The following PRH1 variants were observed in gnomAD, a reference collection of about 807,000 sequenced individuals.
The protein encoded by PRH1 is proline rich protein HaeIII subfamily 1.
A neutral mutation model predicts 7.9 loss-of-function variants in PRH1; 7 were observed. That is an observed-to-expected ratio of 0.89 (90% CI 0.50 to 1.67). The LOEUF (loss-of-function observed/expected upper bound fraction) is 1.67, where lower values mean the gene tolerates loss of function less well. Ranked by LOEUF, PRH1 falls within the 40% of genes most tolerant of loss-of-function variation. The pLI is 0.00. For synonymous variants in PRH1, 45 were observed against 80.8 expected (o/e 0.56, Z 2.38); for missense variants, 109 against 223.6 (o/e 0.49, Z 3.27).
At chr12:10,918,361 C>A (rs772783986) in intron 2 of PRH1, among the ~76,000 whole-genome samples, 17 of 151,952 alleles carry the variant, frequency 1.1e-4, no homozygotes, top group Non-Finnish European at 2.1e-4. Flanking sequence ...TGCACATGTA[C>A]CCCAGAACTT....
At chr12:11,130,731 C>T (rs2136356793) in intron 1 of PRH1, among the ~76,000 whole-genome samples, 1 of 152,282 alleles carries the variant, frequency 6.6e-6, no homozygotes, top group African/African-American at 2.4e-5. Flanking sequence ...ATTCCCTCTT[C>T]AGCAGAGGGA....
intron 1 of PRH1, among the ~76,000 whole-genome samples, chr12:10,999,957 A>G (rs755859408): frequency 3.3e-5 from 5 of 152,154 alleles, no homozygotes; most frequent in Middle Eastern, 6.8e-3. Flanking sequence ...GTAATCTTTC[A>G]TATCATTCAA....
At chr12:11,031,131 T>G in intron 1 of PRH1, 2 of 1,614,228 alleles carry the variant, frequency 1.2e-6, no homozygotes, top group Non-Finnish European at 1.7e-6. Context: ...TTAAACACAG[T>G]TGAATACCAA....
chr12:11,113,886 C>T (rs1945659041), intron 1 of PRH1, among the ~76,000 whole-genome samples: 1 of 151,990 alleles, frequency 6.6e-6, no homozygotes, highest in Non-Finnish European at 1.5e-5. Context: ...TTTATGTTCC[C>T]AAGAAAATAT....
rs552131566 is a variant in PRH1 at position 11,089,335 on chromosome 12, T to C, written n.124-42147A>G. Reference sequence around the variant, plus strand: ...CCCTGACCAATAAGAAATAGAAGACTAATGACAGCCGAGCAGATACATTCT... The same window carrying C: ...CCCTGACCAATAAGAAATAGAAGACCAATGACAGCCGAGCAGATACATTCT... On this transcript the variant is annotated intron_variant and non_coding_transcript_variant, in intron 1 of 4. Transcript: ENST00000541977. 2.8e-4 allele frequency among the ~76,000 whole-genome samples: 33 copies of C among 116,144 alleles called. 5 individuals carry two copies. Among genetic ancestry groups the C allele is most frequent in the African/African-American group, 9.2e-4 (32 of 34,630 alleles). The allele number at this position is 116,144 out of a possible 152,430, so 76.2% of individuals were successfully genotyped here.
intron 1 of PRH1, among the ~76,000 whole-genome samples, chr12:11,000,305 C>T (rs1364073546): frequency 6.6e-6 from 1 of 152,010 alleles, no homozygotes; most frequent in African/African-American, 2.4e-5. Context: ...TTCTTGCATG[C>T]TTAACCTTGT....
At chr12:10,947,159 C>T (rs117809119) in intron 2 of PRH1, among the ~76,000 whole-genome samples, 2,601 of 152,242 alleles carry the variant, frequency 0.017, 33 homozygotes, top group Non-Finnish European at 0.03. Context: ...TGGTCCAATG[C>T]TAAGTTTAGG....
intron 2 of PRH1, among the ~76,000 whole-genome samples, chr12:10,892,407 T>C (rs1215527620): frequency 1.3e-5 from 2 of 152,222 alleles, no homozygotes; most frequent in Non-Finnish European, 2.9e-5. Flanking sequence ...ACAATTTGTT[T>C]TTATTTTAGA....
At chr12:11,027,911 T>C (rs1941999724) in intron 1 of PRH1, among the ~76,000 whole-genome samples, 1 of 152,198 alleles carries the variant, frequency 6.6e-6, no homozygotes. Context: ...AGAGTCCCTC[T>C]AAGCACAAGT....
chr12:11,060,701 C>A (rs760711763), intron 1 of PRH1, among the ~76,000 whole-genome samples: 2 of 152,072 alleles, frequency 1.3e-5, no homozygotes, highest in Non-Finnish European at 2.9e-5. Flanking sequence ...TTCCTCAGAA[C>A]TGTTTATGGT....
At chr12:11,109,890 C>T (rs1196750505) in intron 1 of PRH1, among the ~76,000 whole-genome samples, 1 of 152,072 alleles carries the variant, frequency 6.6e-6, no homozygotes, top group Non-Finnish European at 1.5e-5. Flanking sequence ...GAAGCATGGT[C>T]TAACCCAATG....
At chr12:11,031,749 G>A (rs1003962171) in intron 1 of PRH1, among the ~76,000 whole-genome samples, 1 of 152,124 alleles carries the variant, frequency 6.6e-6, no homozygotes, top group Non-Finnish European at 1.5e-5. Flanking sequence ...GCTACAGAGC[G>A]CTGATTGCTG....
intron 1 of PRH1, chr12:11,097,210 T>TAA (rs1383398943): frequency 3.9e-6 from 1 of 253,286 alleles, no homozygotes; most frequent in Non-Finnish European, 8.6e-6. Context: ...ACATCTGATA[T>TAA]AAGTAGACTT....
At chr12:11,040,820 C>T (rs1367667618) in intron 1 of PRH1, among the ~76,000 whole-genome samples, 1 of 152,154 alleles carries the variant, frequency 6.6e-6, no homozygotes, top group African/African-American at 2.4e-5. Context: ...GCAGAGTCCT[C>T]ATTTGTTTTG....
chr12:10,958,847 G>A (rs1444303640), intron 2 of PRH1, among the ~76,000 whole-genome samples: 1 of 152,162 alleles, frequency 6.6e-6, no homozygotes, highest in African/African-American at 2.4e-5. Context: ...ATAAGACTTC[G>A]TAAGGATTTG....
chr12:11,158,277 G>T (rs1947312079), intron 1 of PRH1, among the ~76,000 whole-genome samples: 1 of 151,946 alleles, frequency 6.6e-6, no homozygotes, highest in Admixed American at 6.6e-5. Flanking sequence ...TTACATCTGG[G>T]TTATTTTATT....
intron 1 of PRH1, among the ~76,000 whole-genome samples, chr12:11,056,687 G>A (rs35931025): frequency 0.22 from 33,896 of 151,882 alleles, 3,809 homozygotes; most frequent in Non-Finnish European, 0.24. Flanking sequence ...GTGTGGTGGT[G>A]CCCGTCTGTA....
chr12:11,060,116 T>TAA (rs1943522808), intron 1 of PRH1, among the ~76,000 whole-genome samples: 31 of 151,706 alleles, frequency 2.0e-4, no homozygotes, highest in East Asian at 5.9e-4. Context: ...AAGGTTTAAA[T>TAA]CACATTTTTA....
intron 2 of PRH1, among the ~76,000 whole-genome samples, chr12:10,915,976 G>C (rs139969706): frequency 8.7e-4 from 132 of 152,260 alleles, no homozygotes; most frequent in African/African-American, 2.9e-3. Flanking sequence ...CCCTGTATTA[G>C]TCTGTTCTCA....
Sources: gnomAD v4.1 joint callset for allele counts (sites outside exome capture counted in the v4.1 genomes callset) on GRCh38, gnomAD v4.1.1 for gene constraint, MANE v1.5 for transcripts, NCBI Gene and HGNC (gene_info 2026-07-23, HGNC 2026-07-21) for gene names.